Variants in RPS10 observed in about 807,000 individuals in gnomAD.
The protein encoded by RPS10 is small ribosomal subunit protein eS10.
Under a neutral mutation model 22.6 loss-of-function variants are expected in RPS10, and 2 were observed. The ratio of observed to expected loss-of-function variants is 0.09; its 90% CI spans 0.04 to 0.28. The LOEUF (loss-of-function observed/expected upper bound fraction) is 0.28, where lower values mean the gene tolerates loss of function less well. Among genes scored for constraint, RPS10 ranks in the 10% least tolerant of loss-of-function variants. The pLI, the probability that RPS10 is intolerant of heterozygous loss-of-function variation, is 1.00. For missense variants in RPS10, 137 were observed against 222.2 expected (o/e 0.62, Z 2.44); for synonymous variants, 70 against 75.9 (o/e 0.92, Z 0.40).
At chr6:34,423,682 G>C (rs1264632129) in intron 3 of RPS10, among the ~76,000 whole-genome samples, 2 of 152,064 alleles carry the variant, frequency 1.3e-5, no homozygotes, top group Non-Finnish European at 2.9e-5. Context: ...TCAGGAGTTC[G>C]AGCCCAGCCT....
chr6:34,423,897 A>G (rs1166285897), intron 3 of RPS10, among the ~76,000 whole-genome samples: 1 of 152,028 alleles, frequency 6.6e-6, no homozygotes, highest in Non-Finnish European at 1.5e-5. Flanking sequence ...ATGTCTACCT[A>G]ATCACCAGAA....
intron 5 of RPS10, chr6:34,417,902 CA>C: frequency 1.4e-6 from 1 of 718,456 alleles, no homozygotes; most frequent in East Asian, 2.7e-5. Flanking sequence ...GAGGACCTGC[CA>C]TAGGACAAAA....
chr6:34,424,555 C>T, intron 3 of RPS10, 114 bp downstream of exon 3: 1 of 1,432,230 alleles, frequency 7.0e-7, no homozygotes, highest in Non-Finnish European at 9.6e-7. Context: ...AGCACTTGAC[C>T]AAATGCCTGC....
At chr6:34,424,510 C>A (rs1581931177) in intron 3 of RPS10, 159 bp downstream of exon 3, 1 of 934,964 alleles carries the variant, frequency 1.1e-6, no homozygotes, top group East Asian at 2.7e-5. Flanking sequence ...GAGTCTAGTT[C>A]TATTCCAAGT....
chr6:34,424,140 T>TTAAAAAAAAAAAAA (rs1554164086), intron 3 of RPS10: 2 of 49,102 alleles, frequency 4.1e-5, no homozygotes, highest in East Asian at 1.1e-3. Flanking sequence ...AAGACTCCGT[T>TTAAAAAAAAAAAAA]AAAAAAAAAA....
intron 4 of RPS10, among the ~76,000 whole-genome samples, chr6:34,421,460 C>A (rs1340130401): frequency 1.3e-5 from 2 of 151,912 alleles, no homozygotes; most frequent in Non-Finnish European, 2.9e-5. Context: ...AACCAAAGTG[C>A]TGGGATTACA....
chr6:34,418,533 C>T (rs1402556003), intron 4 of RPS10, 109 bp from the exon 5 acceptor site: 9 of 1,537,442 alleles, frequency 5.9e-6, no homozygotes, highest in South Asian at 2.3e-5. Context: ...AGTACCACTC[C>T]GTTAAATATA....
chr6:34,425,467 CTTAAG>C, intron 1 of RPS10: 1 of 492,984 alleles, frequency 2.0e-6, no homozygotes, highest in Non-Finnish European at 3.7e-6. Context: ...GCCAAACTTC[CTTAAG>C]TTCTCATCAA....
At chr6:34,425,472 G>A (rs1765924638) in intron 1 of RPS10, 4 of 482,196 alleles carry the variant, frequency 8.3e-6, no homozygotes. Flanking sequence ...ACTTCCTTAA[G>A]TTCTCATCAA....
intron 2 of RPS10, 23 bp downstream of exon 2, chr6:34,425,049 C>T (rs114317819): frequency 1.2e-6 from 2 of 1,612,006 alleles, no homozygotes; most frequent in Non-Finnish European, 1.7e-6. Flanking sequence ...AGATCCATCC[C>T]ATCTTCCTCC....
rs71538239 is a variant in RPS10, at chr6:34,424,140, T to TAAAAAAAAAAAAAAAAAAAAAAAAA, written c.322+528_322+529insTTTTTTTTTTTTTTTTTTTTTTTTT. ...GCTGGGCAACAGAGCAAGACTCCGT[T>TAAAAAAAAAAAAAAAAAAAAAAAAA]AAAAAAAAAAAAAAAAAAAAAAAAG... On this transcript the variant is annotated intron_variant, in intron 3 of 5. Transcript: ENST00000648437. 8 of 49,114 alleles carry TAAAAAAAAAAAAAAAAAAAAAAAAA rather than the reference T, an allele frequency of 1.6e-4. 3 individuals carry two copies. The highest frequency in any genetic ancestry group is 2.2e-3 in the East Asian group (2 of 920). The allele number at this position is 49,114 out of a possible 1,614,324, so 3.0% of individuals were successfully genotyped here.
intron 1 of RPS10, chr6:34,425,560 A>T (rs1397725403): frequency 1.2e-5 from 4 of 347,682 alleles, no homozygotes; most frequent in South Asian, 9.2e-5. Context: ...GACCGTACCC[A>T]GCGCGGAATC....
rs909392620 is a variant in RPS10, at chr6:34,424,922, T to C, written c.151-82A>G. 6.0e-5 allele frequency: 97 copies of C among 1,609,500 alleles called. No individual in the cohort carries two copies. In the Middle Eastern group the frequency reaches 6.6e-4, roughly 11 times the overall value. On this transcript the variant is annotated intron_variant, in intron 2 of 5. Transcript: ENST00000648437. ...CAAGTCTCCAGTCCCAGCCAGCCCT[T>C]CAAGTTAGCAAGCAGCCCCCGCAGT...
intron 1 of RPS10, 26 bp from the exon 2 acceptor site, chr6:34,425,247 A>G: frequency 6.3e-7 from 1 of 1,588,968 alleles, no homozygotes; most frequent in Non-Finnish European, 8.6e-7. Context: ...GATTGTCAAG[A>G]GCACTTCTGA....
rs781484971 is a variant in RPS10, at chr6:34,424,730, C to T, written c.261G>A (p.Pro87=). 93 of 1,614,128 alleles carry T rather than the reference C, an allele frequency of 5.8e-5. No homozygotes were observed. The highest frequency in any genetic ancestry group is 3.3e-4 in the Middle Eastern group (2 of 6,062). Residue 87 remains proline (P), a synonymous_variant, in exon 3 of 6, where the codon CCG becomes CCA. Transcript: ENST00000648437. The part of the protein sequence containing the change: ...QYLRDYLHLP[P]EIVPATLRRS... ...GGCGTAGGGTGGCAGGCACAATCTC[C>T]GGGGGCAGATGAAGGTAATCACGGA...
chr6:34,425,250 A>C, intron 1 of RPS10, 29 bp from the exon 2 acceptor site: 1 of 1,586,014 alleles, frequency 6.3e-7, no homozygotes, highest in Non-Finnish European at 8.6e-7. Context: ...TGTCAAGAGC[A>C]CTTCTGAGTA....
At chr6:34,419,020 T>C (rs1275421522) in intron 4 of RPS10, among the ~76,000 whole-genome samples, 2 of 152,008 alleles carry the variant, frequency 1.3e-5, no homozygotes, top group African/African-American at 4.8e-5. Flanking sequence ...CTAATTTTTA[T>C]ATTTTTTGTT....
chr6:34,425,023 G>A (rs1344272284), intron 2 of RPS10, 49 bp downstream of exon 2: 3 of 1,610,810 alleles, frequency 1.9e-6, no homozygotes, highest in South Asian at 2.2e-5. Flanking sequence ...ATCCCGGGAT[G>A]GGATCCCGGG....
intron 3 of RPS10, 45 bp downstream of exon 3, chr6:34,424,621 AAAG>A (rs1765889137): frequency 1.2e-6 from 2 of 1,611,578 alleles, no homozygotes; most frequent in Non-Finnish European, 1.7e-6. Context: ...CCCTTACACA[AAAG>A]AAACTATCTT....
Sources: gnomAD v4.1 joint callset for allele counts (sites outside exome capture counted in the v4.1 genomes callset) on GRCh38, gnomAD v4.1.1 for gene constraint, MANE v1.5 for transcripts, NCBI Gene and HGNC (gene_info 2026-07-23, HGNC 2026-07-21) for gene names.